The following SKOR2 variants were observed in gnomAD, a reference collection of about 807,000 sequenced individuals.
SKOR2 encodes the protein SKI family transcriptional corepressor 2, also known as LBX1 corepressor 1-like protein.
A neutral mutation model predicts 69.1 loss-of-function variants in SKOR2; 47 were observed. The observed-to-expected ratio is 0.68, with a 90% CI of 0.54 to 0.87. The LOEUF (loss-of-function observed/expected upper bound fraction) is 0.87, where lower values mean the gene tolerates loss of function less well. Ranked by LOEUF, SKOR2 falls within the 40% of genes least tolerant of loss-of-function variation. SKOR2 has a pLI of 0.00. For synonymous variants in SKOR2, 717 were observed against 672.6 expected, an observed-to-expected ratio of 1.07 and a Z score of -1.02; for missense variants, 1,404 against 1,472.2, an observed-to-expected ratio of 0.95 and a Z score of 0.76.
At position 47,207,931 on chromosome 18, in the gene SKOR2, C is replaced by T. The variant is rs140453335; in HGVS notation, c.*4-1039G>A. On this transcript the variant is annotated intron_variant, in intron 8 of 8. Transcript: ENST00000425639. ...TAAGGCAAAAATAGGTGGGTCATGC[C>T]CTTGGGTGTTACATGTGGTCTTGGG... 4.2e-3 allele frequency among the ~76,000 whole-genome samples: 639 copies of T among 152,124 alleles called. 5 individuals carry two copies. The highest frequency in any genetic ancestry group is 0.014 in the African/African-American group (590 of 41,506).
intron 4 of SKOR2, among the ~76,000 whole-genome samples, chr18:47,242,781 T>TA (rs2064254622): frequency 6.6e-6 from 1 of 151,244 alleles, no homozygotes; most frequent in African/African-American, 2.4e-5. Flanking sequence ...GACTCCAAGG[T>TA]AAAAATCTCC....
Position 47,249,062 on chromosome 18 carries a change from A to C in SKOR2, c.122T>G (p.Val41Gly). The C allele has an allele frequency of 6.5e-7, 1 of 1,537,036 alleles. No homozygotes were observed. Among genetic ancestry groups the C allele is most frequent in the Non-Finnish European group, 8.7e-7 (1 of 1,147,176 alleles). The change falls in exon 2 of 9, where the codon GTG becomes GGG. Residue 41 changes from valine (V) to glycine (G), a missense_variant. Around this residue, in one of 3 missense-constraint regions of SKOR2, gnomAD observed 104 missense variants for 95.7 expected, o/e 1.09. Transcript: ENST00000425639. ...PGHANLKPNQ[V>G]GQVILYGIPI... ...AATGCCGTAGAGGATCACCTGGCCC[A>C]CCTGGTTGGGTTTGAGGTTGGCGTG...
chr18:47,219,423 C>A (rs1167410188), intron 7 of SKOR2, among the ~76,000 whole-genome samples: 3 of 151,802 alleles, frequency 2.0e-5, no homozygotes, highest in Non-Finnish European at 1.5e-5. Context: ...ATAAATAGAT[C>A]TTAGTGAGTG....
chr18:47,214,994 TA>T (rs5824652), intron 7 of SKOR2, among the ~76,000 whole-genome samples: 66 of 149,114 alleles, frequency 4.4e-4, no homozygotes, highest in East Asian at 4.1e-3. Context: ...TACTGGAGTT[TA>T]AAAAAAAAAA....
In SKOR2 at chr18:47,249,170, G is replaced by A; in HGVS notation, c.14C>T (p.Pro5Leu). The A allele has an allele frequency of 6.5e-7, 1 of 1,534,890 alleles. No homozygotes were observed. Among genetic ancestry groups the A allele is most frequent in the Admixed American group, 2.0e-5 (1 of 50,918 alleles). ...CAGGATGTCGTTGGGCCCTGGCAGC[G>A]GACTGGAAGCCATCTCCGCCGCAGA... is the stretch of plus-strand genomic sequence containing the variant. MASS[P>L]LPGPNDILLA... The change falls in exon 2 of 9, where the codon CCG becomes CTG. Residue 5 changes from proline to leucine, a missense_variant. Physicochemically the swap from Pro to Leu is moderately conservative, Grantham distance 98 (BLOSUM62 -3). Around this residue, in one of 3 missense-constraint regions of SKOR2, gnomAD observed 104 missense variants for 95.7 expected, o/e 1.09. Transcript: ENST00000425639.
In SKOR2 at chr18:47,248,407, C is replaced by G; in HGVS notation, c.777G>C (p.Val259=). Residue 259 remains valine, a synonymous_variant, in exon 2 of 9, where the codon GTG becomes GTC. Transcript: ENST00000425639. The surrounding 1 kb of genome is among the most constrained non-coding windows in gnomAD (Gnocchi z 6.4). ...CCGCGGCGGCCACGGCGGCCGCCTTCACAGAGCTGAGCGGGTGGCAGGCGG... is the reference window on the plus strand; with the variant it reads ...CCGCGGCGGCCACGGCGGCCGCCTTGACAGAGCTGAGCGGGTGGCAGGCGG... ...AHPACHPLSS[V]KAAAVAAAAA... is the part of the protein sequence containing the mutation. 6.7e-7 allele frequency: 1 copy of G among 1,488,888 alleles called. No homozygotes were observed. Among genetic ancestry groups the G allele is most frequent in the Non-Finnish European group, 8.9e-7 (1 of 1,120,002 alleles). The allele number at this position is 1,488,888 out of a possible 1,614,324, so 92.2% of individuals were successfully genotyped here.
intron 6 of SKOR2, among the ~76,000 whole-genome samples, chr18:47,226,792 C>A (rs552265350): frequency 6.6e-6 from 1 of 152,190 alleles, no homozygotes; most frequent in African/African-American, 2.4e-5. Flanking sequence ...GCACTTCATG[C>A]CTTTCACTCA....
At position 47,230,766 on chromosome 18, in the gene SKOR2, T is replaced by G. The variant is rs148515722; in HGVS notation, c.2818+169A>C. On this transcript the variant is annotated intron_variant, in intron 5 of 8. Coordinates refer to ENST00000425639, the MANE Select transcript of SKOR2 (RefSeq NM_001278063.4). Reference sequence around the variant, plus strand: ...AGTATTATATTACAGTGTCATGTATTGATTGATATGTATGCATTAATCTCA... The same window carrying G: ...AGTATTATATTACAGTGTCATGTATGGATTGATATGTATGCATTAATCTCA... Among the ~76,000 whole-genome samples the G allele has an allele frequency of 1.0e-3, 155 of 152,362 alleles. 2 individuals are homozygous for G. The East Asian group carries it at 0.026, about 25-fold the overall frequency.
chr18:47,247,456 G>T lies in SKOR2; in HGVS notation c.1728C>A (p.Pro576=). ...CCCCGGCAGCTGCCACAGAGTCCGC[G>T]GGCGGCGTGGAGCCCGCGCTGCAGT... ...GGDCSAGSTP[P]ADSVAAAGAG... The change falls in exon 2 of 9, where the codon CCC becomes CCA. Residue 576 remains proline (P), a synonymous_variant. Coordinates refer to ENST00000425639, the MANE Select transcript of SKOR2 (RefSeq NM_001278063.4). This position sits in a 1 kb window ranked among gnomAD's most constrained non-coding sequence, Gnocchi z 6.6. 1 of 1,238,522 alleles carries T rather than the reference G, an allele frequency of 8.1e-7. No homozygotes were observed. Among genetic ancestry groups the T allele is most frequent in the Non-Finnish European group, 1.0e-6 (1 of 992,000 alleles). The allele number at this position is 1,238,522 out of a possible 1,614,324, so 76.7% of individuals were successfully genotyped here.
At chr18:47,214,048 C>T (rs1338363811) in intron 7 of SKOR2, among the ~76,000 whole-genome samples, 1 of 152,110 alleles carries the variant, frequency 6.6e-6, no homozygotes, top group Non-Finnish European at 1.5e-5. Context: ...TGGTTTGTGC[C>T]ACTCTCACAT....
chr18:47,225,794 G>A (rs1217768381), intron 6 of SKOR2, among the ~76,000 whole-genome samples: 1 of 152,174 alleles, frequency 6.6e-6, no homozygotes, highest in African/African-American at 2.4e-5. Flanking sequence ...GGTGGAGGGA[G>A]AGGGGTGAGA....
At chr18:47,238,261 G>A (rs1275145328) in intron 4 of SKOR2, among the ~76,000 whole-genome samples, 1 of 150,344 alleles carries the variant, frequency 6.7e-6, no homozygotes, top group Non-Finnish European at 1.5e-5. Context: ...GAAAGAAAGT[G>A]TGTTATTTAA....
intron 4 of SKOR2, among the ~76,000 whole-genome samples, chr18:47,231,344 G>T (rs2064197511): frequency 6.6e-6 from 1 of 152,104 alleles, no homozygotes; most frequent in South Asian, 2.1e-4. Flanking sequence ...CAAGATTTCT[G>T]GTAGAAATCT....
chr18:47,240,748 A>T (rs1443304254), intron 4 of SKOR2, among the ~76,000 whole-genome samples: 1 of 152,216 alleles, frequency 6.6e-6, no homozygotes, highest in African/African-American at 2.4e-5. Context: ...GCTAAACTGA[A>T]TTTTTTAAAG....
Position 47,247,977 on chromosome 18 carries a change from C to A in SKOR2, c.1207G>T (p.Gly403Trp). 2 of 1,383,288 alleles carry A rather than the reference C, an allele frequency of 1.4e-6. No homozygotes were observed. Among genetic ancestry groups the A allele is most frequent in the South Asian group, 1.6e-5 (1 of 60,676 alleles). 85.7% of individuals were successfully genotyped at this position (1,383,288 alleles called of 1,614,324 possible). Reference protein sequence around the residue: ...GVLQKFPGCGGLFPHPYTFPA... With the variant: ...GVLQKFPGCGWLFPHPYTFPA... Reference sequence around the variant, plus strand: ...AAGGTGTAGGGGTGCGGGAAGAGCCCGCCGCAGCCCGGGAACTTCTGCAGG... The same window carrying A: ...AAGGTGTAGGGGTGCGGGAAGAGCCAGCCGCAGCCCGGGAACTTCTGCAGG... The change falls in exon 2 of 9, where the codon GGG becomes TGG. Residue 403 changes from glycine (G) to tryptophan (W), a missense_variant. Around this residue, in one of 3 missense-constraint regions of SKOR2, gnomAD observed 1,266 missense variants for 1,309.9 expected, o/e 0.97. Coordinates refer to ENST00000425639, the MANE Select transcript of SKOR2 (RefSeq NM_001278063.4). The surrounding 1 kb of genome is among the most constrained non-coding windows in gnomAD (Gnocchi z 6.6).
At chr18:47,224,584 T>G (rs1339161478) in intron 6 of SKOR2, among the ~76,000 whole-genome samples, 1 of 151,836 alleles carries the variant, frequency 6.6e-6, no homozygotes, top group Non-Finnish European at 1.5e-5. Flanking sequence ...ACAAATGTCT[T>G]CATTTTGTTA....
chr18:47,209,146 T>C (rs963188497), intron 8 of SKOR2, among the ~76,000 whole-genome samples: 14 of 150,658 alleles, frequency 9.3e-5, no homozygotes, highest in African/African-American at 3.4e-4. Context: ...TGTTCTAATG[T>C]AGGACAAAAA....
intron 7 of SKOR2, among the ~76,000 whole-genome samples, chr18:47,214,564 A>G (rs1239744072): frequency 6.6e-6 from 1 of 152,242 alleles, no homozygotes; most frequent in Non-Finnish European, 1.5e-5. Flanking sequence ...AATAAAGATT[A>G]TAGTAGCATG....
chr18:47,208,107 A>G (rs1388793681), intron 8 of SKOR2, among the ~76,000 whole-genome samples: 1 of 152,198 alleles, frequency 6.6e-6, no homozygotes, highest in Non-Finnish European at 1.5e-5. Context: ...TGAGACTCAA[A>G]GAGATTAAAT....
Sources: allele counts gnomAD v4.1 joint callset (sites outside exome capture counted in the v4.1 genomes callset), GRCh38; gene constraint gnomAD v4.1.1; regional missense constraint gnomAD v4.1.1; non-coding constraint Gnocchi (gnomAD v3.1); transcripts MANE v1.5; gene names NCBI Gene and HGNC (gene_info 2026-07-23, HGNC 2026-07-21).